UNC13C: variants seen among roughly 807,000 people sequenced by gnomAD.
UNC13C encodes unc-13 homolog C.
In UNC13C, 174 loss-of-function variants were observed where a neutral mutation model predicts 245.4. The observed-to-expected ratio is 0.71, with a 90% CI of 0.63 to 0.80. The LOEUF (loss-of-function observed/expected upper bound fraction) is 0.80. Among genes scored for constraint, UNC13C ranks in the 30% least tolerant of loss-of-function variants. The pLI, the probability that UNC13C is intolerant of heterozygous loss-of-function variation, is 0.00. For missense variants in UNC13C, 2,829 were observed against 2,602.9 expected, an observed-to-expected ratio of 1.09 and a Z score of -1.89; for synonymous variants, 992 against 895.1, an observed-to-expected ratio of 1.11 and a Z score of -1.93.
At chr15:54,277,707 A>T (rs1033165013) in intron 10 of UNC13C, among the ~76,000 whole-genome samples, 9 of 152,212 alleles carry the variant, frequency 5.9e-5, no homozygotes, top group Admixed American at 5.9e-4. Flanking sequence ...AATTTTAAGC[A>T]ATTATTTGTT....
intron 2 of UNC13C, among the ~76,000 whole-genome samples, chr15:54,027,194 A>G (rs1372174906): frequency 6.6e-6 from 1 of 151,558 alleles, no homozygotes; most frequent in Non-Finnish European, 1.5e-5. Context: ...AAAAAAAAAA[A>G]CAGGAAAAGC....
At chr15:54,582,698 G>C (rs1898256730) in intron 30 of UNC13C, among the ~76,000 whole-genome samples, 1 of 152,140 alleles carries the variant, frequency 6.6e-6, no homozygotes, top group African/African-American at 2.4e-5. Context: ...TGAGTCCCCT[G>C]GGTAAATCAG....
the UNC13C span, among the ~76,000 whole-genome samples, chr15:53,891,701 T>C: frequency 4.6e-5 from 7 of 152,208 alleles, no homozygotes; most frequent in Non-Finnish European, 5.9e-5. Flanking sequence ...TTTTTTGCTT[T>C]CCATTTGCTT....
chr15:54,125,947 A>C (rs901963594), intron 2 of UNC13C, among the ~76,000 whole-genome samples: 18 of 152,190 alleles, frequency 1.2e-4, no homozygotes, highest in Non-Finnish European at 2.6e-4. Context: ...ATTTTTATGC[A>C]AAAGAAAACT....
At chr15:53,998,729 T>C (rs1214188589) in intron 1 of UNC13C, among the ~76,000 whole-genome samples, 1 of 152,158 alleles carries the variant, frequency 6.6e-6, no homozygotes, top group Admixed American at 6.5e-5. Flanking sequence ...CCTTCAATTA[T>C]AAGCTCATAT....
In UNC13C at chr15:54,393,103, AT is replaced by A; in HGVS notation, c.4774del (p.Trp1592GlyfsTer7). On this transcript the variant is annotated frameshift_variant, in exon 18 of 33. Transcript: ENST00000260323. LOFTEE classifies it high-confidence loss of function. ...EDQGPTTKNLDFWPQLITLMV... is the reference protein window; with the variant it reads ...EDQGPTTKNLXFWPQLITLMV... ...CAGGGACCAACCACCAAGAATTTGGATTTTTGGCCCCAACTTATTACACTGA... is the reference window on the plus strand; with the variant it reads ...CAGGGACCAACCACCAAGAATTTGGATTTTGGCCCCAACTTATTACACTGA... 6.2e-7 allele frequency: 1 copy of A among 1,610,878 alleles called. No homozygotes were observed. Among genetic ancestry groups the A allele is most frequent in the Admixed American group, 1.7e-5 (1 of 59,304 alleles).
Position 54,055,055 on chromosome 15 carries a change from A to T in UNC13C, c.2983+39169A>T, listed in dbSNP as rs147600467. 3.7e-3 allele frequency among the ~76,000 whole-genome samples: 568 copies of T among 152,276 alleles called. 6 individuals carry two copies. The highest frequency in any genetic ancestry group is 0.013 in the African/African-American group (556 of 41,562). On this transcript the variant is annotated intron_variant, in intron 2 of 32. Transcript: ENST00000260323. Reference sequence around the variant, plus strand: ...AGCCTGCAGATAAATAGGCATTATTATAGGGGTCAAGCTTGATCATGCTGC... The same window carrying T: ...AGCCTGCAGATAAATAGGCATTATTTTAGGGGTCAAGCTTGATCATGCTGC...
chr15:53,985,068 A>G (rs1388217122), intron 1 of UNC13C, among the ~76,000 whole-genome samples: 2 of 151,716 alleles, frequency 1.3e-5, no homozygotes, highest in Admixed American at 6.6e-5. Context: ...TGCTGCACCT[A>G]TTGACCCATC....
chr15:54,444,508 A>G (rs1890699448), intron 19 of UNC13C, among the ~76,000 whole-genome samples: 2 of 151,728 alleles, frequency 1.3e-5, no homozygotes, highest in African/African-American at 4.8e-5. Context: ...ACGTAGGAAA[A>G]TTTAATTTAT....
chr15:54,415,221 A>G (rs1405401187), intron 19 of UNC13C, among the ~76,000 whole-genome samples, 154 bp downstream of exon 19: 1 of 152,190 alleles, frequency 6.6e-6, no homozygotes, highest in East Asian at 1.9e-4. Context: ...TGAAAAGATA[A>G]GGTCTCAAAG....
chr15:54,239,707 C>T (rs2035801513), intron 7 of UNC13C, among the ~76,000 whole-genome samples: 1 of 152,214 alleles, frequency 6.6e-6, no homozygotes, highest in Non-Finnish European at 1.5e-5. Context: ...CCACCTCAGC[C>T]TCCCAAAGTG....
At chr15:53,906,920 T>C in the UNC13C span, among the ~76,000 whole-genome samples, 4 of 152,100 alleles carry the variant, frequency 2.6e-5, no homozygotes, top group Admixed American at 6.5e-5. Context: ...AAACATCATG[T>C]CTCGTGAGAA....
the UNC13C span, among the ~76,000 whole-genome samples, chr15:53,952,440 C>T: frequency 6.6e-6 from 1 of 152,148 alleles, no homozygotes; most frequent in Non-Finnish European, 1.5e-5. Context: ...CTCTCTTCCC[C>T]CATCAACTCA....
intron 2 of UNC13C, among the ~76,000 whole-genome samples, chr15:54,089,237 A>G (rs1052681618): frequency 1.3e-5 from 2 of 152,184 alleles, no homozygotes; most frequent in Non-Finnish European, 1.5e-5. Context: ...GAAAACTAAA[A>G]GCAAGGTATG....
intron 18 of UNC13C, among the ~76,000 whole-genome samples, chr15:54,414,005 T>C (rs1030331778): frequency 1.3e-5 from 2 of 152,194 alleles, no homozygotes; most frequent in African/African-American, 4.8e-5. Flanking sequence ...GCTTATATTA[T>C]TAAGAGCCTT....
At chr15:54,339,355 G>A (rs1284683589) in intron 17 of UNC13C, among the ~76,000 whole-genome samples, 2 of 151,938 alleles carry the variant, frequency 1.3e-5, no homozygotes, top group Non-Finnish European at 2.9e-5. Context: ...TGAGATTTCG[G>A]TGCACCCATC....
chr15:54,132,923 A>G (rs558427707), intron 2 of UNC13C, among the ~76,000 whole-genome samples: 2 of 152,320 alleles, frequency 1.3e-5, no homozygotes, highest in East Asian at 3.9e-4. Flanking sequence ...GATCTCTCCT[A>G]TTCAAATTTC....
intron 30 of UNC13C, among the ~76,000 whole-genome samples, chr15:54,591,439 C>T (rs143483391): frequency 2.3e-4 from 35 of 151,876 alleles, no homozygotes; most frequent in African/African-American, 6.8e-4. Context: ...TTGTTGGTAA[C>T]GTTCTAATTA....
chr15:54,180,945 C>T (rs1027563023), intron 4 of UNC13C, among the ~76,000 whole-genome samples: 1 of 151,972 alleles, frequency 6.6e-6, no homozygotes, highest in Non-Finnish European at 1.5e-5. Context: ...TCTAGGTTGT[C>T]TGCTTACTCT....
Sources: gnomAD v4.1 joint callset for allele counts (sites outside exome capture counted in the v4.1 genomes callset) on GRCh38, gnomAD v4.1.1 for gene constraint, MANE v1.5 for transcripts, NCBI Gene and HGNC (gene_info 2026-07-23, HGNC 2026-07-21) for gene names.